C6orf89: variants seen among roughly 807,000 people sequenced by gnomAD.
C6orf89 encodes bombesin receptor-activated protein C6orf89.
C6orf89 carries 29 observed loss-of-function variants against 40.7 expected under a neutral mutation model. That is an observed-to-expected ratio of 0.71 (90% CI 0.53 to 0.97). The LOEUF is 0.97. Ranked by LOEUF, C6orf89 falls within the 50% of genes least tolerant of loss-of-function variation. C6orf89 has a pLI of 0.00. For missense variants in C6orf89, 392 were observed against 429.1 expected (o/e 0.91, Z 0.76); for synonymous variants, 165 against 152.2 (o/e 1.08, Z -0.62).
chr6:36,886,347 G>C (rs1774987231), intron 1 of C6orf89, among the ~76,000 whole-genome samples: 1 of 152,174 alleles, frequency 6.6e-6, no homozygotes. Context: ...ATGAAGTCCA[G>C]ATTTCTGCCC....
chr6:36,901,337 T>A (rs10947644), intron 3 of C6orf89, among the ~76,000 whole-genome samples: 2 of 58,960 alleles, frequency 3.4e-5, no homozygotes, highest in African/African-American at 5.5e-5. Context: ...TTTTTTTTTT[T>A]TTTTTTTTTT....
At chr6:36,909,372 T>C (rs964442961) in intron 4 of C6orf89, among the ~76,000 whole-genome samples, 3 of 152,170 alleles carry the variant, frequency 2.0e-5, no homozygotes, top group African/African-American at 4.8e-5. Flanking sequence ...GCTTATACTT[T>C]CATTAACAGC....
chr6:36,886,036 A>C lies in C6orf89; in HGVS notation c.-120+8A>C. ...GGGGCGCGAGCCCCGCATGTGAGTG[A>C]CTGGGGCCCGAGGCTGGGTGGGGGG... On this transcript the variant is annotated splice_region_variant and intron_variant, in intron 1 of 8. Coordinates refer to ENST00000480824, the MANE Select transcript of C6orf89 (RefSeq NM_001286635.2). 8.0e-7 allele frequency: 1 copy of C among 1,252,760 alleles called. No individual in the cohort carries two copies. Among genetic ancestry groups the C allele is most frequent in the Non-Finnish European group, 1.0e-6 (1 of 995,762 alleles). The allele number at this position is 1,252,760 out of a possible 1,614,324, so 77.6% of individuals were successfully genotyped here.
chr6:36,880,122 A>T (rs1027478980), intron 2 of C6orf89, among the ~76,000 whole-genome samples: 1 of 152,214 alleles, frequency 6.6e-6, no homozygotes, highest in African/African-American at 2.4e-5. Context: ...CTAGGAAGTT[A>T]CCTTTGGTAA....
chr6:36,874,615 T>G, intron 1 of C6orf89: 1 of 1,474,860 alleles, frequency 6.8e-7, no homozygotes, highest in East Asian at 2.3e-5. Context: ...CCCCTCCACG[T>G]GGAGGCCGGC....
chr6:36,911,554 G>T (rs1163133461), intron 4 of C6orf89, among the ~76,000 whole-genome samples: 1 of 151,996 alleles, frequency 6.6e-6, no homozygotes, highest in Non-Finnish European at 1.5e-5. Context: ...TAACTCTTAG[G>T]TTAAGAGCTG....
intron 1 of C6orf89, among the ~76,000 whole-genome samples, chr6:36,888,370 G>A (rs954375957): frequency 1.3e-5 from 2 of 152,196 alleles, no homozygotes; most frequent in African/African-American, 4.8e-5. Context: ...AGCGGCTCAC[G>A]CTTGTAATCC....
Position 36,925,823 on chromosome 6 carries a change from T to C in C6orf89, c.*2382T>C, listed in dbSNP as rs1220802891. On this transcript the variant is annotated 3_prime_UTR_variant, in exon 9 of 9. Coordinates refer to ENST00000480824, the MANE Select transcript of C6orf89 (RefSeq NM_001286635.2). Reference sequence around the variant, plus strand: ...GCTGGAAGCATCAAAAGTCCCTCTGTATGACCCGGTGTGGGAAAGAGGGTT... The same window carrying C: ...GCTGGAAGCATCAAAAGTCCCTCTGCATGACCCGGTGTGGGAAAGAGGGTT... 6.6e-6 allele frequency: 1 copy of C among 152,180 alleles called. No individual in the cohort carries two copies. Among genetic ancestry groups the C allele is most frequent in the African/African-American group, 2.4e-5 (1 of 41,420 alleles). 9.4% of individuals were successfully genotyped at this position (152,180 alleles called of 1,614,324 possible). A position where few individuals can be genotyped will look rare whatever the true frequency, so the allele number is the denominator to read the frequency against.
intron 1 of C6orf89, among the ~76,000 whole-genome samples, chr6:36,887,879 G>A (rs1244298215): frequency 6.6e-6 from 1 of 151,846 alleles, no homozygotes; most frequent in Non-Finnish European, 1.5e-5. Flanking sequence ...CACCACACTC[G>A]GCCAATTTTT....
intron 6 of C6orf89, among the ~76,000 whole-genome samples, chr6:36,915,468 G>C (rs138780697): frequency 6.6e-6 from 1 of 152,120 alleles, no homozygotes; most frequent in Admixed American, 6.5e-5. Context: ...GTAGCTAGGC[G>C]TGGTGGCTCA....
intron 6 of C6orf89, among the ~76,000 whole-genome samples, chr6:36,915,456 C>T (rs1179429388): frequency 2.6e-5 from 4 of 152,040 alleles, no homozygotes; most frequent in Non-Finnish European, 5.9e-5. Flanking sequence ...AAGTGGGGAT[C>T]AGTAGCTAGG....
At position 36,902,406 on chromosome 6, in the gene C6orf89, T is replaced by TG; in HGVS notation, c.380dup (p.Asp128Ter). 6.2e-7 allele frequency: 1 copy of TG among 1,614,224 alleles called. No homozygotes were observed. The highest frequency in any genetic ancestry group is 8.5e-7 in the Non-Finnish European group (1 of 1,180,044). On this transcript the variant is annotated frameshift_variant, in exon 4 of 9. Transcript: ENST00000480824. LOFTEE classifies it high-confidence loss of function. The stretch of plus-strand genomic sequence containing the variant: ...CAGAAAATAAGGGAGTTCCTCTGCA[T>TG]GGGGGTGATGAAGACAGACCCTTTC...
At chr6:36,907,973 A>G (rs1761985958) in intron 4 of C6orf89, among the ~76,000 whole-genome samples, 1 of 152,170 alleles carries the variant, frequency 6.6e-6, no homozygotes, top group Non-Finnish European at 1.5e-5. Context: ...CGTCAGACAA[A>G]ACCTTTTCAG....
chr6:36,876,354 C>T (rs969928609), intron 1 of C6orf89, among the ~76,000 whole-genome samples: 1 of 152,122 alleles, frequency 6.6e-6, no homozygotes, highest in Non-Finnish European at 1.5e-5. Context: ...GTGCCCTGCC[C>T]TAAAGAAACT....
intron 3 of C6orf89, 100 bp from the exon 4 acceptor site, chr6:36,902,121 C>G: frequency 1.0e-6 from 1 of 952,582 alleles, no homozygotes; most frequent in Non-Finnish European, 1.6e-6. Flanking sequence ...TCTTAAGGCA[C>G]ATTGGAAGTA....
At chr6:36,874,925 C>A in intron 1 of C6orf89, 2 of 782,338 alleles carry the variant, frequency 2.6e-6, no homozygotes, top group Non-Finnish European at 4.1e-6. Context: ...GTCCCTTCTT[C>A]CAATGCCGGG....
At chr6:36,903,470 T>C (rs1009354675) in intron 4 of C6orf89, among the ~76,000 whole-genome samples, 1 of 151,950 alleles carries the variant, frequency 6.6e-6, no homozygotes, top group African/African-American at 2.4e-5. Flanking sequence ...GTCATTCTCT[T>C]TTTTTTTGAG....
At chr6:36,884,316 A>G (rs1583140617), upstream of C6orf89, among the ~76,000 whole-genome samples, 1 of 152,180 alleles carries the variant, frequency 6.6e-6, no homozygotes, top group East Asian at 1.9e-4. The surrounding 1 kb of genome is among the most constrained non-coding windows in gnomAD (Gnocchi z 4.0). Context: ...TGAAAAGACC[A>G]CTTAGTCAAG....
At chr6:36,894,657 C>A in intron 2 of C6orf89, 54 bp downstream of exon 2, 3 of 648,518 alleles carry the variant, frequency 4.6e-6, no homozygotes, top group Non-Finnish European at 5.7e-6. Context: ...GGTTCACATC[C>A]TGGCAAGTTA....
Sources: gnomAD v4.1 joint callset for allele counts (sites outside exome capture counted in the v4.1 genomes callset) on GRCh38, gnomAD v4.1.1 for gene constraint, Gnocchi (gnomAD v3.1) non-coding constraint, MANE v1.5 for transcripts, NCBI Gene and HGNC (gene_info 2026-07-23, HGNC 2026-07-21) for gene names.